The following UBE2V2 variants were observed in gnomAD, a reference collection of about 807,000 sequenced individuals.
The protein encoded by UBE2V2 is ubiquitin conjugating enzyme E2 V2.
Under a neutral mutation model 17.2 loss-of-function variants are expected in UBE2V2, and 9 were observed. The observed-to-expected ratio is 0.52, with a 90% CI of 0.32 to 0.91. The LOEUF (loss-of-function observed/expected upper bound fraction) is 0.91. Ranked by LOEUF, UBE2V2 falls within the 40% of genes least tolerant of loss-of-function variation. UBE2V2 has a pLI of 0.04. For synonymous variants in UBE2V2, 61 were observed against 57.5 expected (o/e 1.06, Z -0.28); for missense variants, 133 against 182.6 (o/e 0.73, Z 1.56).
At chr8:48,030,628 G>A (rs2091375751) in intron 1 of UBE2V2, among the ~76,000 whole-genome samples, 1 of 152,196 alleles carries the variant, frequency 6.6e-6, no homozygotes, top group Admixed American at 6.5e-5. Flanking sequence ...GGCTGAGGTG[G>A]GAGAATTGCT....
At chr8:48,017,351 G>A (rs2091276232) in intron 1 of UBE2V2, among the ~76,000 whole-genome samples, 1 of 151,350 alleles carries the variant, frequency 6.6e-6, no homozygotes, top group South Asian at 2.1e-4. Flanking sequence ...TACGAGTATA[G>A]TGAACCATTC....
chr8:48,028,485 T>C (rs1282639742), intron 1 of UBE2V2, among the ~76,000 whole-genome samples: 1 of 152,008 alleles, frequency 6.6e-6, no homozygotes, highest in East Asian at 1.9e-4. Context: ...ATTACAGGCA[T>C]GTGCCACCAC....
At chr8:48,054,903 C>T (rs1563860584) in intron 3 of UBE2V2, among the ~76,000 whole-genome samples, 1 of 150,088 alleles carries the variant, frequency 6.7e-6, no homozygotes, top group Non-Finnish European at 1.5e-5. Flanking sequence ...CTCTCTTCAT[C>T]TTTTTTTTCT....
the UBE2V2 span, among the ~76,000 whole-genome samples, chr8:47,997,955 C>A: frequency 6.6e-6 from 1 of 151,560 alleles, no homozygotes; most frequent in Non-Finnish European, 1.5e-5. Context: ...GAGCAGGAGG[C>A]GAGTGGAGTT....
chr8:48,029,190 A>G (rs1198671937), intron 1 of UBE2V2, among the ~76,000 whole-genome samples: 1 of 151,988 alleles, frequency 6.6e-6, no homozygotes, highest in Non-Finnish European at 1.5e-5. Context: ...TTAGCTGGGC[A>G]CAATGCTGTG....
chr8:48,000,958 G>A, the UBE2V2 span, among the ~76,000 whole-genome samples: 8 of 151,594 alleles, frequency 5.3e-5, no homozygotes, highest in East Asian at 1.9e-4. Context: ...ATGCATTGAC[G>A]ACTTGAGGCC....
intron 1 of UBE2V2, among the ~76,000 whole-genome samples, chr8:48,024,642 G>A (rs1201966156): frequency 1.3e-5 from 2 of 151,744 alleles, no homozygotes; most frequent in African/African-American, 4.8e-5. Context: ...GTATCACACT[G>A]TATCCTACGT....
chr8:48,030,397 A>G (rs2091374724), intron 1 of UBE2V2, among the ~76,000 whole-genome samples: 3 of 152,200 alleles, frequency 2.0e-5, no homozygotes, highest in Non-Finnish European at 1.5e-5. Flanking sequence ...CAGAGATTTA[A>G]TAATGAGAAA....
chr8:48,027,147 TG>T (rs2091351311), intron 1 of UBE2V2, among the ~76,000 whole-genome samples: 3 of 151,932 alleles, frequency 2.0e-5, no homozygotes, highest in Admixed American at 2.0e-4. Flanking sequence ...ATGACAAGCC[TG>T]CGCTACCATG....
chr8:48,037,042 C>T (rs867263094), intron 1 of UBE2V2, among the ~76,000 whole-genome samples: 8 of 152,190 alleles, frequency 5.3e-5, no homozygotes, highest in Middle Eastern at 3.4e-3. Flanking sequence ...AGCCATGCAT[C>T]GTGGCAGGCA....
At chr8:48,016,905 C>T (rs979368507) in intron 1 of UBE2V2, among the ~76,000 whole-genome samples, 4 of 151,562 alleles carry the variant, frequency 2.6e-5, no homozygotes, top group Non-Finnish European at 5.9e-5. Flanking sequence ...CCTGTCTTAG[C>T]CTCCCGAGTA....
At chr8:48,008,136 G>A (rs2091197665), upstream of UBE2V2, among the ~76,000 whole-genome samples, 1 of 152,128 alleles carries the variant, frequency 6.6e-6, no homozygotes, top group East Asian at 1.9e-4. Flanking sequence ...TGGCCAGGCT[G>A]GTTTCGAACT....
At chr8:48,007,817 C>A (rs576786974), upstream of UBE2V2, among the ~76,000 whole-genome samples, 1 of 152,112 alleles carries the variant, frequency 6.6e-6, no homozygotes, top group African/African-American at 2.4e-5. Context: ...TGCAGCCTCA[C>A]CTCTTGGGCT....
At chr8:48,032,107 A>AT (rs2091387547) in intron 1 of UBE2V2, among the ~76,000 whole-genome samples, 1 of 152,198 alleles carries the variant, frequency 6.6e-6, no homozygotes, top group Non-Finnish European at 1.5e-5. Flanking sequence ...CAAAGACAGT[A>AT]TTTAAAAAAA....
chr8:48,003,978 G>C (rs915751251), upstream of UBE2V2, among the ~76,000 whole-genome samples: 1 of 152,150 alleles, frequency 6.6e-6, no homozygotes, highest in Non-Finnish European at 1.5e-5. Context: ...GGTAGGTTGT[G>C]AAAATCAGGC....
At chr8:48,038,100 C>T (rs752571235) in intron 1 of UBE2V2, among the ~76,000 whole-genome samples, 5 of 152,168 alleles carry the variant, frequency 3.3e-5, no homozygotes, top group Non-Finnish European at 5.9e-5. Flanking sequence ...CCGTCCAATC[C>T]TCCCTTTTCT....
intron 1 of UBE2V2, among the ~76,000 whole-genome samples, chr8:48,029,071 C>T (rs1023842533): frequency 1.3e-5 from 2 of 151,970 alleles, no homozygotes; most frequent in African/African-American, 2.4e-5. Context: ...CAATAATGTT[C>T]AGGCCAGGTG....
chr8:48,032,709 C>G lies in UBE2V2; in HGVS notation c.17-10324C>G, dbSNP rs547745807. Among the ~76,000 whole-genome samples, 194 of 152,182 alleles carry G rather than the reference C, an allele frequency of 1.3e-3. 1 individual carries two copies. Among genetic ancestry groups the G allele is most frequent in the Non-Finnish European group, 2.0e-3 (137 of 68,002 alleles). On this transcript the variant is annotated intron_variant, in intron 1 of 3. Coordinates refer to ENST00000523111, the MANE Select transcript of UBE2V2 (RefSeq NM_003350.3). ...AATTTGAGGCTGTAGTGAGCCATGG[C>G]GACAGAGTCCCTGTCTCAAAACAAA...
At chr8:48,008,675 G>C (rs1388555998) in intron 1 of UBE2V2, 3 of 516,290 alleles carry the variant, frequency 5.8e-6, no homozygotes, top group Non-Finnish European at 5.3e-6. Context: ...TCGTGCTCGC[G>C]CGTCGGCCGC....
Sources: allele counts gnomAD v4.1 joint callset (sites outside exome capture counted in the v4.1 genomes callset), GRCh38; gene constraint gnomAD v4.1.1; transcripts MANE v1.5; gene names NCBI Gene and HGNC (gene_info 2026-07-23, HGNC 2026-07-21).